The following PDE1A variants were observed in gnomAD, a reference collection of about 807,000 sequenced individuals.
PDE1A encodes the protein phosphodiesterase 1A, also known as dual specificity calcium/calmodulin-dependent 3',5'-cyclic nucleotide phosphodiesterase 1A.
Under a neutral mutation model 61.7 loss-of-function variants are expected in PDE1A, and 35 were observed. The observed-to-expected ratio is 0.57, with a 90% CI of 0.43 to 0.75. PDE1A has a LOEUF of 0.75. PDE1A is among the 30% of genes least tolerant of loss of function. The probability of loss-of-function intolerance (pLI) is 0.00; values close to 1 mark genes in which losing one functional copy is unlikely to be tolerated. For missense variants in PDE1A, 597 were observed against 630.6 expected (o/e 0.95, Z 0.57); for synonymous variants, 232 against 213.2 (o/e 1.09, Z -0.77).
chr2:182,572,726 C>T, the PDE1A span, among the ~76,000 whole-genome samples: 1 of 151,780 alleles, frequency 6.6e-6, no homozygotes, highest in Non-Finnish European at 1.5e-5. Context: ...AAAAATTAGC[C>T]GGACATGGTG....
chr2:182,290,396 C>A (rs1694451029), intron 1 of PDE1A, among the ~76,000 whole-genome samples: 1 of 152,072 alleles, frequency 6.6e-6, no homozygotes, highest in Non-Finnish European at 1.5e-5. Context: ...CAGGTGTTTA[C>A]TAATTTCTCT....
chr2:182,179,343 A>G (rs1472319183), intron 13 of PDE1A, among the ~76,000 whole-genome samples: 3 of 152,186 alleles, frequency 2.0e-5, no homozygotes, highest in Non-Finnish European at 2.9e-5. Context: ...TGTCATGGAT[A>G]AATTTTAAAA....
At chr2:182,285,366 T>C (rs1448551706) in intron 1 of PDE1A, among the ~76,000 whole-genome samples, 1 of 152,066 alleles carries the variant, frequency 6.6e-6, no homozygotes, top group Admixed American at 6.6e-5. Flanking sequence ...GCTAAGGACA[T>C]TTAAAATGCA....
At chr2:182,659,240 C>G in the PDE1A span, among the ~76,000 whole-genome samples, 1 of 152,014 alleles carries the variant, frequency 6.6e-6, no homozygotes, top group African/African-American at 2.4e-5. Context: ...GGAAATTTGT[C>G]TCTAGACAAT....
chr2:182,454,636 T>C (rs1202535371), intron 2 of PDE1A, among the ~76,000 whole-genome samples: 1 of 151,744 alleles, frequency 6.6e-6, no homozygotes, highest in Non-Finnish European at 1.5e-5. Context: ...CCATCTGATC[T>C]TTGACAAACC....
intron 2 of PDE1A, among the ~76,000 whole-genome samples, chr2:182,488,103 G>A (rs17356331): frequency 0.16 from 24,039 of 152,068 alleles, 2,156 homozygotes; most frequent in Middle Eastern, 0.32. Flanking sequence ...CATAATGTGT[G>A]TAGTTTCACA....
chr2:182,608,818 C>T, the PDE1A span, among the ~76,000 whole-genome samples: 11 of 152,366 alleles, frequency 7.2e-5, no homozygotes, highest in Admixed American at 2.6e-4. Flanking sequence ...GCTCCCCCTG[C>T]GCTCTGGTGC....
chr2:182,527,299 T>C (rs1304733686), upstream of PDE1A, among the ~76,000 whole-genome samples: 25 of 71,268 alleles, frequency 3.5e-4, no homozygotes, highest in East Asian at 8.5e-3. Flanking sequence ...AAACCCTTTC[T>C]CTATAAAAAA....
At chr2:182,649,348 A>G in the PDE1A span, among the ~76,000 whole-genome samples, 1 of 152,188 alleles carries the variant, frequency 6.6e-6, no homozygotes, top group African/African-American at 2.4e-5. Flanking sequence ...CCTTGGTCAG[A>G]GGTAGGAAAG....
At chr2:182,380,196 C>T (rs369336347) in intron 1 of PDE1A, among the ~76,000 whole-genome samples, 5 of 150,956 alleles carry the variant, frequency 3.3e-5, no homozygotes, top group South Asian at 2.1e-4. Flanking sequence ...CTGCAAGCTC[C>T]GCCTCCTGGG....
At chr2:182,336,887 T>A (rs1171388657) in intron 1 of PDE1A, among the ~76,000 whole-genome samples, 1 of 150,830 alleles carries the variant, frequency 6.6e-6, no homozygotes, top group Non-Finnish European at 1.5e-5. Context: ...AGAGGATGGA[T>A]CAATAGGTGC....
chr2:182,429,281 C>T (rs1246727854), upstream of PDE1A, among the ~76,000 whole-genome samples: 2 of 151,978 alleles, frequency 1.3e-5, no homozygotes, highest in African/African-American at 2.4e-5. Context: ...GCTTTATCAC[C>T]TTATTCAACT....
chr2:182,306,072 C>T (rs955051288), intron 1 of PDE1A, among the ~76,000 whole-genome samples: 12 of 152,226 alleles, frequency 7.9e-5, no homozygotes, highest in African/African-American at 2.4e-4. Flanking sequence ...CACCATTCTA[C>T]TATCTGTTTC....
chr2:182,218,029 A>T (rs1461855931), intron 7 of PDE1A, among the ~76,000 whole-genome samples: 2 of 149,188 alleles, frequency 1.3e-5, no homozygotes, highest in African/African-American at 2.5e-5. Context: ...CAAATGTCCA[A>T]CAATGATAGA....
At chr2:182,195,869 C>T (rs1437770664) in intron 10 of PDE1A, among the ~76,000 whole-genome samples, 1 of 152,038 alleles carries the variant, frequency 6.6e-6, no homozygotes, top group African/African-American at 2.4e-5. Context: ...CACTGCAGTC[C>T]TGCTAATTTC....
At chr2:182,385,592 T>C (rs1700983427) in intron 1 of PDE1A, among the ~76,000 whole-genome samples, 1 of 129,352 alleles carries the variant, frequency 7.7e-6, no homozygotes, top group Non-Finnish European at 1.6e-5. Context: ...AACATACCAT[T>C]AAAGAAAAAT....
chr2:182,313,844 A>C (rs1178229672), intron 1 of PDE1A, among the ~76,000 whole-genome samples: 1 of 152,200 alleles, frequency 6.6e-6, no homozygotes, highest in Non-Finnish European at 1.5e-5. Flanking sequence ...CAAATATGTA[A>C]TTGATCTAAT....
chr2:182,352,019 G>A (rs1698909750), intron 1 of PDE1A, among the ~76,000 whole-genome samples: 1 of 152,174 alleles, frequency 6.6e-6, no homozygotes, highest in African/African-American at 2.4e-5. Flanking sequence ...CACACATAAA[G>A]ATGTTATGAG....
chr2:182,300,542 T>C (rs1464835922), intron 1 of PDE1A, among the ~76,000 whole-genome samples: 1 of 152,142 alleles, frequency 6.6e-6, no homozygotes, highest in African/African-American at 2.4e-5. Context: ...AGAACATATA[T>C]TTAAGAGAAG....
Sources: gnomAD v4.1 joint callset for allele counts (sites outside exome capture counted in the v4.1 genomes callset) on GRCh38, gnomAD v4.1.1 for gene constraint, MANE v1.5 for transcripts, NCBI Gene and HGNC (gene_info 2026-07-23, HGNC 2026-07-21) for gene names.